The following DLG2 variants were observed in gnomAD, a reference collection of about 807,000 sequenced individuals.
DLG2 encodes the protein disks large homolog 2.
Under a neutral mutation model 132.5 loss-of-function variants are expected in DLG2, and 45 were observed. That is an observed-to-expected ratio of 0.34 (90% CI 0.27 to 0.44). The LOEUF is 0.44. DLG2 is among the 20% of genes least tolerant of loss of function. DLG2 has a pLI of 1.00. For missense variants in DLG2, 1,045 were observed against 1,196.9 expected (o/e 0.87, Z 1.87); for synonymous variants, 424 against 419.6 (o/e 1.01, Z -0.13).
In DLG2 at chr11:85,021,146, A is replaced by T. The variant is rs1187814756; in HGVS notation, c.357+90515T>A. 25 of 827,188 alleles carry T rather than the reference A, an allele frequency of 3.0e-5. No individual in the cohort carries two copies. In the Admixed American group the frequency reaches 3.9e-4, roughly 13 times the overall value. The allele number at this position is 827,188 out of a possible 1,614,324, so 51.2% of individuals were successfully genotyped here. A position where few individuals can be genotyped will look rare whatever the true frequency, so the allele number is the denominator to read the frequency against. ...GCTTTCAACTTTCCAGACTTAGAAGATCCCCGCTGCCCATTCTTAGAATTG... is the reference window on the plus strand; with the variant it reads ...GCTTTCAACTTTCCAGACTTAGAAGTTCCCCGCTGCCCATTCTTAGAATTG... On this transcript the variant is annotated intron_variant, in intron 6 of 27. Coordinates refer to ENST00000376104, the MANE Select transcript of DLG2 (RefSeq NM_001142699.3).
chr11:85,445,018 A>G (rs1161119510), intron 3 of DLG2, among the ~76,000 whole-genome samples: 1 of 152,230 alleles, frequency 6.6e-6, no homozygotes, highest in Non-Finnish European at 1.5e-5. Context: ...AACCAAAAAT[A>G]AAATAAGAGA....
intron 6 of DLG2, among the ~76,000 whole-genome samples, chr11:84,592,401 G>T (rs2099545534): frequency 6.6e-6 from 1 of 152,138 alleles, no homozygotes; most frequent in South Asian, 2.1e-4. Context: ...TAGGACACAG[G>T]CATGGGCAAA....
intron 3 of DLG2, among the ~76,000 whole-genome samples, chr11:85,523,670 G>A (rs146034395): frequency 5.6e-4 from 86 of 152,280 alleles, no homozygotes; most frequent in Admixed American, 1.4e-3. Context: ...GAGCAGTTTG[G>A]AGATTCCTCA....
intron 2 of DLG2, among the ~76,000 whole-genome samples, chr11:85,623,059 CAAAA>C (rs34802509): frequency 2.6e-5 from 3 of 116,178 alleles, no homozygotes; most frequent in African/African-American, 6.3e-5. Context: ...CTCTGTCTCC[CAAAA>C]AAAAAAAAAA....
chr11:84,584,880 G>A (rs1457091887), intron 6 of DLG2, among the ~76,000 whole-genome samples: 1 of 150,718 alleles, frequency 6.6e-6, no homozygotes, highest in African/African-American at 2.4e-5. Context: ...AGTAGAGACG[G>A]GGTTTCACCG....
At chr11:85,615,516 C>CA (rs1039551847) in intron 2 of DLG2, among the ~76,000 whole-genome samples, 69 of 142,934 alleles carry the variant, frequency 4.8e-4, no homozygotes, top group Non-Finnish European at 7.2e-4. Context: ...GATTCCATCT[C>CA]AAAAAAAAAA....
intron 8 of DLG2, among the ~76,000 whole-genome samples, chr11:84,198,944 C>T (rs2096558065): frequency 6.6e-6 from 1 of 152,030 alleles, no homozygotes; most frequent in Non-Finnish European, 1.5e-5. Context: ...TGCCAATGAT[C>T]AAGAAACTTA....
At chr11:84,853,324 C>A (rs17147637) in intron 6 of DLG2, among the ~76,000 whole-genome samples, 2 of 151,856 alleles carry the variant, frequency 1.3e-5, no homozygotes, top group South Asian at 2.1e-4. Context: ...GATAATATAA[C>A]GTGAAAAGGG....
chr11:83,862,126 G>T (rs912925723), intron 16 of DLG2, among the ~76,000 whole-genome samples: 1 of 152,170 alleles, frequency 6.6e-6, no homozygotes, highest in Non-Finnish European at 1.5e-5. Flanking sequence ...GTATATCAAA[G>T]ATATCTGTGC....
At chr11:83,761,485 A>G (rs1165873645) in intron 18 of DLG2, among the ~76,000 whole-genome samples, 1 of 152,258 alleles carries the variant, frequency 6.6e-6, no homozygotes, top group Non-Finnish European at 1.5e-5. Flanking sequence ...GAATAATGAT[A>G]GTCTCTGAAA....
At chr11:85,110,188 A>C (rs947601562) in intron 6 of DLG2, among the ~76,000 whole-genome samples, 6 of 152,008 alleles carry the variant, frequency 3.9e-5, no homozygotes, top group Non-Finnish European at 8.8e-5. Flanking sequence ...GAATTATTAA[A>C]ACACATCCTT....
chr11:84,394,530 C>T (rs1355718289), intron 7 of DLG2, among the ~76,000 whole-genome samples: 1 of 152,090 alleles, frequency 6.6e-6, no homozygotes, highest in Non-Finnish European at 1.5e-5. Context: ...TGTCTGGGTG[C>T]AGACTTTTAA....
chr11:83,601,029 T>C (rs543900343), intron 19 of DLG2, among the ~76,000 whole-genome samples: 2 of 152,240 alleles, frequency 1.3e-5, no homozygotes, highest in South Asian at 4.1e-4. Flanking sequence ...GCTGTGCTAT[T>C]ACTTAGTGTA....
chr11:83,942,623 T>C (rs1050262603), intron 14 of DLG2, among the ~76,000 whole-genome samples: 4 of 152,238 alleles, frequency 2.6e-5, no homozygotes, highest in Non-Finnish European at 5.9e-5. Context: ...GAGGCATATC[T>C]GTACATCTGT....
intron 19 of DLG2, chr11:83,632,448 C>T (rs1297381555): frequency 2.0e-5 from 3 of 152,128 alleles, no homozygotes; most frequent in Admixed American, 6.6e-5. Context: ...CACTTTCTTC[C>T]TTTTGCCTGT....
At chr11:84,791,590 T>C (rs561490198) in intron 6 of DLG2, among the ~76,000 whole-genome samples, 29 of 152,350 alleles carry the variant, frequency 1.9e-4, no homozygotes, top group Non-Finnish European at 3.8e-4. Flanking sequence ...TATCTTTTTA[T>C]GTTTTTGTGT....
intron 6 of DLG2, among the ~76,000 whole-genome samples, chr11:84,747,781 CG>C (rs199842772): frequency 0.066 from 9,978 of 152,104 alleles, 399 homozygotes; most frequent in Non-Finnish European, 0.1. Flanking sequence ...TGCTGGGTAT[CG>C]TAAATGGTTA....
At chr11:84,754,249 T>A (rs2066559607) in intron 6 of DLG2, among the ~76,000 whole-genome samples, 1 of 152,214 alleles carries the variant, frequency 6.6e-6, no homozygotes, top group African/African-American at 2.4e-5. Context: ...TCCAAAGCAC[T>A]ATATAAATAA....
At position 84,678,183 on chromosome 11, in the gene DLG2, T is replaced by A. The variant is rs2099719287; in HGVS notation, c.358-143452A>T. Among the ~76,000 whole-genome samples, 2 of 152,186 alleles carry A rather than the reference T, an allele frequency of 1.3e-5. 1 individual carries two copies. Among genetic ancestry groups the A allele is most frequent in the East Asian group, 3.9e-4 (2 of 5,158 alleles). ...CTAACCTAGGCCTCCATAGCTGCTT[T>A]TCTCTTCCTTTCTCTCAGACTATGG... On this transcript the variant is annotated intron_variant, in intron 6 of 27. Coordinates refer to ENST00000376104, the MANE Select transcript of DLG2 (RefSeq NM_001142699.3).
Sources: allele counts gnomAD v4.1 joint callset (sites outside exome capture counted in the v4.1 genomes callset), GRCh38; gene constraint gnomAD v4.1.1; transcripts MANE v1.5; gene names NCBI Gene and HGNC (gene_info 2026-07-23, HGNC 2026-07-21).